The following NSMAF variants were observed in gnomAD, a reference collection of about 807,000 sequenced individuals.
NSMAF encodes the protein protein FAN.
NSMAF carries 90 observed loss-of-function variants against 134.9 expected under a neutral mutation model. That is an observed-to-expected ratio of 0.67 (90% confidence interval 0.56 to 0.79). NSMAF has a LOEUF of 0.79. Ranked by LOEUF, NSMAF falls within the 30% of genes least tolerant of loss-of-function variation. The pLI is 0.00. For synonymous variants in NSMAF, 358 were observed against 389.6 expected (o/e 0.92, Z 0.96); for missense variants, 1,010 against 1,119.0 (o/e 0.90, Z 1.39).
Position 58,623,419 on chromosome 8 carries a change from G to A in NSMAF, c.462C>T (p.His154=), listed in dbSNP as rs956738311. The A allele has an allele frequency of 1.2e-6, 2 of 1,613,874 alleles. No individual in the cohort carries two copies. Among genetic ancestry groups the A allele is most frequent in the Non-Finnish European group, 1.7e-6 (2 of 1,179,802 alleles). Residue 154 remains histidine, a synonymous_variant, in exon 8 of 31, where the codon CAC becomes CAT. Coordinates refer to ENST00000038176, the MANE Select transcript of NSMAF (RefSeq NM_003580.4). ...EDVVETLLQL[H]RASCLDKLGD... is the part of the protein sequence containing the mutation. ...CCAATTTGTCAAGGCAGGATGCTCT[G>A]TGAAGCTACAGTATCATAAACAGAC...
chr8:58,659,079 GTC>G, intron 1 of NSMAF: 1 of 809,666 alleles, frequency 1.2e-6, no homozygotes, highest in Non-Finnish European at 1.8e-6. Flanking sequence ...CGAGTGGGTG[GTC>G]GCCGGCCTGC....
chr8:58,586,664 G>T, intron 27 of NSMAF, 56 bp from the exon 28 acceptor site: 2 of 1,422,576 alleles, frequency 1.4e-6, no homozygotes, highest in Non-Finnish European at 1.9e-6. Flanking sequence ...CATTAGCTAT[G>T]TTTCTCTAGT....
rs149476649 is a variant in NSMAF at position 58,611,556 on chromosome 8, G to A, written c.558-1823C>T. On this transcript the variant is annotated intron_variant, in intron 9 of 30. Transcript: ENST00000038176. ...AAAAGATGGACAACACATGTGAAAA[G>A]ACAGAGTTTCAGCAGAGAAATAGAA... Among the ~76,000 whole-genome samples the A allele has an allele frequency of 1.1e-3, 164 of 152,120 alleles. 1 individual carries two copies. The highest frequency in any genetic ancestry group is 3.7e-3 in the African/African-American group (154 of 41,520).
At chr8:58,656,435 A>G (rs1190274075) in intron 1 of NSMAF, among the ~76,000 whole-genome samples, 1 of 152,254 alleles carries the variant, frequency 6.6e-6, no homozygotes, top group African/African-American at 2.4e-5. Context: ...TAGTTATTCA[A>G]ACCAGAAGTC....
intron 21 of NSMAF, among the ~76,000 whole-genome samples, chr8:58,596,930 CAAAAAAA>C (rs538263469): frequency 6.2e-5 from 4 of 64,370 alleles, no homozygotes; most frequent in Non-Finnish European, 1.5e-4. Context: ...GACTCCGTCT[CAAAAAAA>C]AAAAAAAAAA....
chr8:58,635,096 G>T, intron 5 of NSMAF, 93 bp downstream of exon 5: 2 of 937,960 alleles, frequency 2.1e-6, no homozygotes, highest in Non-Finnish European at 1.7e-6. Flanking sequence ...CTATTCCATG[G>T]TCTTCATCTG....
chr8:58,588,833 G>A (rs1805956045), intron 26 of NSMAF: 1 of 770,124 alleles, frequency 1.3e-6, no homozygotes, highest in East Asian at 2.5e-5. Context: ...TAATATTTCT[G>A]ATCATGGCAG....
chr8:58,644,624 C>T (rs1303001376), intron 1 of NSMAF, among the ~76,000 whole-genome samples: 1 of 152,156 alleles, frequency 6.6e-6, no homozygotes, highest in Non-Finnish European at 1.5e-5. Context: ...GGTATATACC[C>T]AAAGGATTAT....
At chr8:58,600,639 A>AAAAAAAAAAAAT (rs1428887613) in intron 16 of NSMAF, among the ~76,000 whole-genome samples, 44 of 150,700 alleles carry the variant, frequency 2.9e-4, no homozygotes, top group African/African-American at 1.0e-3. Context: ...AAAAAAAAAA[A>AAAAAAAAAAAAT]AAAAAAAGAT....
At chr8:58,600,428 T>G (rs554985801) in intron 16 of NSMAF, among the ~76,000 whole-genome samples, 42 of 151,862 alleles carry the variant, frequency 2.8e-4, no homozygotes, top group Admixed American at 9.2e-4. Context: ...ATCAAGACCA[T>G]CCTGGCCAAC....
At chr8:58,586,699 G>T in intron 27 of NSMAF, 91 bp from the exon 28 acceptor site, 2 of 1,052,206 alleles carry the variant, frequency 1.9e-6, no homozygotes, top group South Asian at 1.5e-5. Context: ...TAGTCATCAT[G>T]ATATAAATTA....
Position 58,640,458 on chromosome 8 carries a change from GTT to G in NSMAF, c.149+2524_149+2525del, listed in dbSNP as rs1461570914. ...GAGTCTTGGCCATACTTATTAAATTGTTTTATCCAATTATATAAATACATATA... is the reference window on the plus strand; with the variant it reads ...GAGTCTTGGCCATACTTATTAAATTGTTATCCAATTATATAAATACATATA... On this transcript the variant is annotated intron_variant, in intron 2 of 30. Transcript: ENST00000038176. Among the ~76,000 whole-genome samples, 125 of 151,998 alleles carry G rather than the reference GTT, an allele frequency of 8.2e-4. 1 individual carries two copies. The highest frequency in any genetic ancestry group is 8.1e-3 in the Admixed American group (124 of 15,268).
chr8:58,608,821 G>T (rs1469743226), intron 10 of NSMAF, among the ~76,000 whole-genome samples: 3 of 152,128 alleles, frequency 2.0e-5, no homozygotes, highest in African/African-American at 7.2e-5. Flanking sequence ...GCCCTGTAAT[G>T]ACCAGCCTGG....
At chr8:58,655,767 C>T (rs1027563137) in intron 1 of NSMAF, among the ~76,000 whole-genome samples, 4 of 151,598 alleles carry the variant, frequency 2.6e-5, no homozygotes, top group South Asian at 2.1e-4. Context: ...ATTAGCCGGG[C>T]GCTGTGGTGG....
intron 19 of NSMAF, among the ~76,000 whole-genome samples, chr8:58,598,490 C>CAAAAAAAAAAA (rs71250204): frequency 3.6e-3 from 458 of 125,654 alleles, no homozygotes; most frequent in Non-Finnish European, 4.5e-3. Context: ...CTGTCTCAAA[C>CAAAAAAAAAAA]AAAAAAAAAA....
intron 24 of NSMAF, 48 bp from the exon 25 acceptor site, chr8:58,590,122 T>C (rs757832284): frequency 1.3e-6 from 2 of 1,492,452 alleles, no homozygotes; most frequent in Admixed American, 3.4e-5. Context: ...AATTAGTAAG[T>C]CTCTAACACA....
chr8:58,608,961 T>C (rs1806465988), intron 10 of NSMAF, among the ~76,000 whole-genome samples: 1 of 152,234 alleles, frequency 6.6e-6, no homozygotes, highest in African/African-American at 2.4e-5. Flanking sequence ...CAGATCTAGA[T>C]AAGCAACAAA....
intron 26 of NSMAF, 113 bp from the exon 27 acceptor site, chr8:58,587,814 AAAGTT>A: frequency 1.2e-6 from 1 of 858,242 alleles, no homozygotes; most frequent in Non-Finnish European, 1.9e-6. Flanking sequence ...ACTTGCCAAT[AAAGTT>A]AAGCTGCACA....
intron 2 of NSMAF, among the ~76,000 whole-genome samples, chr8:58,636,812 GC>G (rs2129146476): frequency 6.6e-6 from 1 of 152,220 alleles, no homozygotes; most frequent in South Asian, 2.1e-4. Context: ...CTTCCATTAG[GC>G]ATTGAAATTT....
Sources: gnomAD v4.1 joint callset for allele counts (sites outside exome capture counted in the v4.1 genomes callset) on GRCh38, gnomAD v4.1.1 for gene constraint, MANE v1.5 for transcripts, NCBI Gene and HGNC (gene_info 2026-07-23, HGNC 2026-07-21) for gene names.